Variants in C12orf56 observed in about 807,000 individuals in gnomAD.
C12orf56 encodes the protein uncharacterized protein C12orf56.
In C12orf56, 71 loss-of-function variants were observed where a neutral mutation model predicts 69.9. The observed-to-expected ratio is 1.02, with a 90% CI of 0.84 to 1.24. The LOEUF is 1.24. Ranked by LOEUF, C12orf56 falls within the 50% of genes most tolerant of loss-of-function variation. C12orf56 has a pLI of 0.00. For synonymous variants in C12orf56, 276 were observed against 274.1 expected (o/e 1.01, Z -0.07); for missense variants, 732 against 738.5 (o/e 0.99, Z 0.10).
chr12:64,361,409 A>G (rs538532898), intron 1 of C12orf56, among the ~76,000 whole-genome samples: 1 of 152,200 alleles, frequency 6.6e-6, no homozygotes, highest in South Asian at 2.1e-4. Flanking sequence ...AAGTCACAGG[A>G]TGAGACAGGA....
intron 5 of C12orf56, among the ~76,000 whole-genome samples, chr12:64,310,569 C>T (rs2038593618): frequency 6.6e-6 from 1 of 151,832 alleles, no homozygotes; most frequent in East Asian, 1.9e-4. Context: ...TGAATTGGTG[C>T]CCTATTTTTT....
chr12:64,390,655 A>C lies in C12orf56; in HGVS notation c.-90T>G. 1.5e-6 allele frequency: 2 copies of C among 1,366,372 alleles called. No homozygotes were observed. The highest frequency in any genetic ancestry group is 1.9e-6 in the Non-Finnish European group (2 of 1,066,312). The allele number at this position is 1,366,372 out of a possible 1,614,324, so 84.6% of individuals were successfully genotyped here. ...CCCGCGCTGGAACCCGCGCGCCACA[A>C]AGCCGCCGGCCACGCGTCGCCTCCT... On this transcript the variant is annotated 5_prime_UTR_variant, in exon 1 of 13. Coordinates refer to ENST00000543942, the MANE Select transcript of C12orf56 (RefSeq NM_001170633.2).
intron 1 of C12orf56, among the ~76,000 whole-genome samples, chr12:64,384,681 C>T (rs576124161): frequency 5.3e-5 from 8 of 152,210 alleles, no homozygotes; most frequent in African/African-American, 1.7e-4. Context: ...TTTTCTTTCC[C>T]GTAGGTGATG....
chr12:64,346,830 A>G (rs1312274562), intron 2 of C12orf56, among the ~76,000 whole-genome samples: 1 of 152,156 alleles, frequency 6.6e-6, no homozygotes, highest in East Asian at 1.9e-4. Flanking sequence ...GAAATTCTAA[A>G]TGTTTCAGAA....
In C12orf56 at chr12:64,356,054, C is replaced by T. The variant is rs186083271; in HGVS notation, c.253-2998G>A. Among the ~76,000 whole-genome samples, 126 of 151,540 alleles carry T rather than the reference C, an allele frequency of 8.3e-4. 1 individual carries two copies. The highest frequency in any genetic ancestry group is 3.0e-3 in the African/African-American group (123 of 41,170). Reference sequence around the variant, plus strand: ...TGGTGTGCATCTGTAATCCCAGCTACTTGGGAGGCTGAGGCAGGAGAACTG... The same window carrying T: ...TGGTGTGCATCTGTAATCCCAGCTATTTGGGAGGCTGAGGCAGGAGAACTG... On this transcript the variant is annotated intron_variant, in intron 1 of 12. Coordinates refer to ENST00000543942, the MANE Select transcript of C12orf56 (RefSeq NM_001170633.2).
At chr12:64,313,864 GA>G (rs1194549732) in intron 4 of C12orf56, among the ~76,000 whole-genome samples, 1 of 151,292 alleles carries the variant, frequency 6.6e-6, no homozygotes, top group East Asian at 2.0e-4. Flanking sequence ...TCAACATGGT[GA>G]AACCCCATCT....
chr12:64,303,037 C>T (rs1470966563), intron 6 of C12orf56, among the ~76,000 whole-genome samples: 1 of 152,002 alleles, frequency 6.6e-6, no homozygotes, highest in Non-Finnish European at 1.5e-5. Context: ...TTTTGGGAGG[C>T]CAAGACGGGT....
chr12:64,362,947 G>A (rs979026073), intron 1 of C12orf56, among the ~76,000 whole-genome samples: 1 of 152,110 alleles, frequency 6.6e-6, no homozygotes, highest in Non-Finnish European at 1.5e-5. Flanking sequence ...GACAACCAGA[G>A]GTCACCTCAT....
intron 11 of C12orf56, among the ~76,000 whole-genome samples, 179 bp from the exon 12 acceptor site, chr12:64,270,893 C>T (rs888250866): frequency 1.3e-5 from 2 of 152,138 alleles, no homozygotes; most frequent in Non-Finnish European, 2.9e-5. Context: ...GGAAGCTGGG[C>T]ATGGTGGCTC....
At chr12:64,308,972 A>AAAG (rs200012816) in intron 5 of C12orf56, among the ~76,000 whole-genome samples, 6,801 of 76,168 alleles carry the variant, frequency 0.089, 585 homozygotes, top group African/African-American at 0.12. Flanking sequence ...AGAAAGAAAG[A>AAAG]AAAGAAAGAA....
rs1352762927 is a variant in C12orf56 at position 64,266,613 on chromosome 12, G to T, written c.*570C>A. On this transcript the variant is annotated 3_prime_UTR_variant, in exon 13 of 13. Transcript: ENST00000543942. The stretch of plus-strand genomic sequence containing the variant: ...GAACCTAGTCGAAATAATGGTTTTT[G>T]GATGGCTCTGAGTACAGAATCGGGT... The T allele has an allele frequency of 4.9e-6, 3 of 617,186 alleles. No homozygotes were observed. The highest frequency in any genetic ancestry group is 4.8e-6 in the Non-Finnish European group (2 of 415,042). The allele number at this position is 617,186 out of a possible 1,614,324, so 38.2% of individuals were successfully genotyped here.
rs189376175 is a variant in C12orf56 at position 64,369,832 on chromosome 12, A to G, written c.253-16776T>C. 7.3e-3 allele frequency among the ~76,000 whole-genome samples: 1,104 copies of G among 151,236 alleles called. 14 individuals carry two copies. Among genetic ancestry groups the G allele is most frequent in the African/African-American group, 0.025 (1,021 of 41,190 alleles). On this transcript the variant is annotated intron_variant, in intron 1 of 12. Coordinates refer to ENST00000543942, the MANE Select transcript of C12orf56 (RefSeq NM_001170633.2). ...CCCGTCTCTACTAAAAATACAAAAAAATTAGCTGGGCATGGTGATGCACGC... is the reference window on the plus strand; with the variant it reads ...CCCGTCTCTACTAAAAATACAAAAAGATTAGCTGGGCATGGTGATGCACGC...
rs869290282 is a variant in C12orf56, at chr12:64,387,077, C to CAAAAAAAAAAAAAAAAAAAAAA, written c.252+3215_252+3236dup. Among the ~76,000 whole-genome samples the CAAAAAAAAAAAAAAAAAAAAAA allele has an allele frequency of 5.5e-4, 23 of 42,104 alleles. 2 individuals carry two copies. Among genetic ancestry groups the CAAAAAAAAAAAAAAAAAAAAAA allele is most frequent in the Admixed American group, 1.4e-3 (3 of 2,170 alleles). The allele number at this position is 42,104 out of a possible 152,430, so 27.6% of individuals were successfully genotyped here. On this transcript the variant is annotated intron_variant, in intron 1 of 12. Coordinates refer to ENST00000543942, the MANE Select transcript of C12orf56 (RefSeq NM_001170633.2). Reference sequence around the variant, plus strand: ...TGGGTAACAGAGCGAGACTCTATCTCAAAAAAAAAAAAAAAAAAAAAAAAA... The same window carrying CAAAAAAAAAAAAAAAAAAAAAA: ...TGGGTAACAGAGCGAGACTCTATCTCAAAAAAAAAAAAAAAAAAAAAAAAAAAAAAAAAAAAAAAAAAAAAAA...
chr12:64,390,106 G>A (rs1298900604), intron 1 of C12orf56, among the ~76,000 whole-genome samples: 2 of 152,114 alleles, frequency 1.3e-5, no homozygotes, highest in Non-Finnish European at 2.9e-5. Flanking sequence ...GGGTGAACAG[G>A]CAGACACGAG....
At chr12:64,301,979 G>A (rs180712455) in intron 6 of C12orf56, among the ~76,000 whole-genome samples, 6 of 152,292 alleles carry the variant, frequency 3.9e-5, no homozygotes, top group African/African-American at 1.2e-4. Context: ...TTACTAGCAA[G>A]GAAAGTCACA....
At chr12:64,273,431 A>AAG (rs1236370304) in intron 11 of C12orf56, among the ~76,000 whole-genome samples, 3 of 152,228 alleles carry the variant, frequency 2.0e-5, no homozygotes, top group Admixed American at 2.0e-4. Flanking sequence ...AGGAGGTGGG[A>AAG]AGAGATTAAG....
At chr12:64,312,974 AT>A (rs2038639567) in intron 4 of C12orf56, among the ~76,000 whole-genome samples, 1 of 152,054 alleles carries the variant, frequency 6.6e-6, no homozygotes, top group Non-Finnish European at 1.5e-5. Flanking sequence ...AAATGAAATT[AT>A]TTAGGCCGGG....
intron 2 of C12orf56, among the ~76,000 whole-genome samples, chr12:64,345,425 A>T (rs570425202): frequency 2.0e-4 from 30 of 152,324 alleles, no homozygotes; most frequent in South Asian, 1.5e-3. Flanking sequence ...GGCAAAAAAA[A>T]GTTCATCAGA....
At chr12:64,298,706 T>C (rs2038403158) in intron 6 of C12orf56, among the ~76,000 whole-genome samples, 1 of 152,242 alleles carries the variant, frequency 6.6e-6, no homozygotes, top group South Asian at 2.1e-4. Flanking sequence ...TGTGGTGTTA[T>C]TTCTGAGGGC....
Sources: gnomAD v4.1 joint callset for allele counts (sites outside exome capture counted in the v4.1 genomes callset) on GRCh38, gnomAD v4.1.1 for gene constraint, MANE v1.5 for transcripts, NCBI Gene and HGNC (gene_info 2026-07-23, HGNC 2026-07-21) for gene names.